CSMD1: variants seen among roughly 807,000 people sequenced by gnomAD.
The protein encoded by CSMD1 is CUB and Sushi multiple domains 1.
CSMD1 carries 213 observed loss-of-function variants against 417.5 expected under a neutral mutation model. The ratio of observed to expected loss-of-function variants is 0.51; its 90% CI spans 0.46 to 0.57. CSMD1 has a LOEUF of 0.57. CSMD1 is among the 20% of genes least tolerant of loss of function. CSMD1 has a pLI of 0.00. For missense variants in CSMD1, 6,923 were observed against 4,529.7 expected (o/e 1.53, Z -15.17); for synonymous variants, 2,862 against 1,736.8 (o/e 1.65, Z -16.11).
intron 3 of CSMD1, among the ~76,000 whole-genome samples, chr8:4,416,819 AT>A (rs1291762701): frequency 6.6e-6 from 1 of 152,056 alleles, no homozygotes; most frequent in Non-Finnish European, 1.5e-5. Context: ...ACAAAGTAAT[AT>A]TTTTTAATAC....
chr8:4,469,932 A>T (rs1800428126), intron 2 of CSMD1, among the ~76,000 whole-genome samples: 1 of 147,568 alleles, frequency 6.8e-6, no homozygotes, highest in Admixed American at 6.8e-5. Context: ...CAGTGGTGTG[A>T]TCTCGGCTCA....
intron 3 of CSMD1, among the ~76,000 whole-genome samples, chr8:4,414,240 C>G (rs1268494691): frequency 2.0e-5 from 3 of 152,092 alleles, no homozygotes; most frequent in African/African-American, 4.8e-5. Flanking sequence ...AGGGATGTGT[C>G]AGAGGGAAAT....
intron 50 of CSMD1, among the ~76,000 whole-genome samples, chr8:3,034,452 G>C (rs1346026653): frequency 2.0e-5 from 3 of 152,156 alleles, no homozygotes; most frequent in Admixed American, 1.3e-4. Flanking sequence ...ACTGGAAATA[G>C]TTCAACTAAG....
chr8:2,981,267 T>C lies in CSMD1; in HGVS notation c.8378-2467A>G, dbSNP rs116786804. ...TCCACACAAGCACCTTTCCCATCTGTATTTGTTTTGTCATTTTCTATGTGA... is the reference window on the plus strand; with the variant it reads ...TCCACACAAGCACCTTTCCCATCTGCATTTGTTTTGTCATTTTCTATGTGA... On this transcript the variant is annotated intron_variant, in intron 54 of 69. Transcript: ENST00000635120. Among the ~76,000 whole-genome samples the C allele has an allele frequency of 1.4e-3, 206 of 152,356 alleles. 1 individual carries two copies. The highest frequency in any genetic ancestry group is 4.4e-3 in the African/African-American group (184 of 41,590).
intron 4 of CSMD1, among the ~76,000 whole-genome samples, chr8:4,021,902 C>CCCA (rs1182809463): frequency 6.6e-6 from 1 of 151,848 alleles, no homozygotes; most frequent in Admixed American, 6.6e-5. Flanking sequence ...AACAAACTAC[C>CCCA]CCAGATCATC....
At chr8:3,522,202 T>C (rs1490383744) in intron 10 of CSMD1, among the ~76,000 whole-genome samples, 1 of 152,206 alleles carries the variant, frequency 6.6e-6, no homozygotes, top group Non-Finnish European at 1.5e-5. Context: ...TATGATTAAA[T>C]TTTTTATTAT....
chr8:4,105,710 A>T (rs1801534025), intron 3 of CSMD1, among the ~76,000 whole-genome samples: 2 of 152,312 alleles, frequency 1.3e-5, no homozygotes, highest in East Asian at 1.9e-4. Flanking sequence ...GGGGTACCCC[A>T]TGGCAAGATC....
At chr8:4,069,624 T>C (rs1470907633) in intron 3 of CSMD1, among the ~76,000 whole-genome samples, 1 of 152,132 alleles carries the variant, frequency 6.6e-6, no homozygotes, top group Non-Finnish European at 1.5e-5. Context: ...TGGCCTGTAT[T>C]CCCCTCAAGC....
intron 1 of CSMD1, among the ~76,000 whole-genome samples, chr8:4,977,091 C>G (rs1810604673): frequency 6.6e-6 from 1 of 152,176 alleles, no homozygotes; most frequent in Non-Finnish European, 1.5e-5. Flanking sequence ...TGGCGTTTCT[C>G]TCAAGATGGA....
At chr8:4,989,370 C>A (rs1380387881) in intron 1 of CSMD1, among the ~76,000 whole-genome samples, 1 of 152,170 alleles carries the variant, frequency 6.6e-6, no homozygotes, top group Admixed American at 6.5e-5. Context: ...GTCTCTTAGT[C>A]CAAGTTCCTA....
chr8:4,668,616 A>AT (rs934864089), intron 1 of CSMD1, among the ~76,000 whole-genome samples: 5 of 151,522 alleles, frequency 3.3e-5, no homozygotes, highest in African/African-American at 7.3e-5. Context: ...CGCCTGGCTA[A>AT]TTTTTTTGCA....
At chr8:3,983,230 A>C (rs549529569) in intron 5 of CSMD1, among the ~76,000 whole-genome samples, 175 of 149,354 alleles carry the variant, frequency 1.2e-3, no homozygotes, top group African/African-American at 3.0e-3. Context: ...TCCCGGGTTC[A>C]CGCCATTCTC....
At chr8:4,443,841 C>T (rs893896315) in intron 2 of CSMD1, among the ~76,000 whole-genome samples, 2 of 152,172 alleles carry the variant, frequency 1.3e-5, no homozygotes, top group Non-Finnish European at 2.9e-5. Flanking sequence ...TAGTAACGAA[C>T]TTCTGGGTAA....
chr8:4,759,445 G>T (rs887031361), intron 1 of CSMD1, among the ~76,000 whole-genome samples: 2 of 152,198 alleles, frequency 1.3e-5, no homozygotes, highest in Non-Finnish European at 2.9e-5. Flanking sequence ...TGTGCAGAAT[G>T]TGCAGATTTG....
intron 26 of CSMD1, among the ~76,000 whole-genome samples, chr8:3,242,512 T>C (rs1799604915): frequency 6.6e-6 from 1 of 152,060 alleles, no homozygotes; most frequent in Non-Finnish European, 1.5e-5. Context: ...ATTTAGATCT[T>C]GCAGGGTGGA....
chr8:3,754,765 C>T (rs980816992), intron 5 of CSMD1, among the ~76,000 whole-genome samples: 1 of 152,068 alleles, frequency 6.6e-6, no homozygotes, highest in Non-Finnish European at 1.5e-5. Flanking sequence ...ACAAGACTTA[C>T]GAATTCTATG....
chr8:3,097,079 G>A (rs1373145317), intron 46 of CSMD1, 42 bp from the exon 47 acceptor site: 3 of 1,396,094 alleles, frequency 2.1e-6, no homozygotes, highest in Non-Finnish European at 2.9e-6. Flanking sequence ...TTAATAAAAT[G>A]ATTCCAACTG....
At chr8:3,430,898 A>C (rs551818895) in intron 12 of CSMD1, among the ~76,000 whole-genome samples, 1 of 152,350 alleles carries the variant, frequency 6.6e-6, no homozygotes, top group African/African-American at 2.4e-5. Context: ...AAATAATTGA[A>C]GAAAATTGGA....
At chr8:3,707,396 C>T (rs145783446) in intron 7 of CSMD1, among the ~76,000 whole-genome samples, 5 of 152,152 alleles carry the variant, frequency 3.3e-5, no homozygotes, top group Non-Finnish European at 4.4e-5. Flanking sequence ...TGCAAAACAC[C>T]GGGGACAGGC....
Sources: gnomAD v4.1 joint callset for allele counts (sites outside exome capture counted in the v4.1 genomes callset) on GRCh38, gnomAD v4.1.1 for gene constraint, MANE v1.5 for transcripts, NCBI Gene and HGNC (gene_info 2026-07-23, HGNC 2026-07-21) for gene names.